PAG1: variants seen among roughly 807,000 people sequenced by gnomAD.
PAG1 encodes phosphoprotein membrane anchor with glycosphingolipid microdomains 1, also known as phosphoprotein associated with glycosphingolipid-enriched microdomains 1.
In PAG1, 23 loss-of-function variants were observed where a neutral mutation model predicts 31.7. That is an observed-to-expected ratio of 0.73 (90% confidence interval 0.52 to 1.03). The LOEUF (loss-of-function observed/expected upper bound fraction) is 1.03, where lower values mean the gene tolerates loss of function less well. Ranked by LOEUF, PAG1 falls within the 50% of genes least tolerant of loss-of-function variation. The pLI is 0.00. For missense variants in PAG1, 473 were observed against 540.7 expected (o/e 0.87, Z 1.24); for synonymous variants, 214 against 210.3 (o/e 1.02, Z -0.15).
At chr8:81,030,715 TC>T (rs545564605) in intron 2 of PAG1, among the ~76,000 whole-genome samples, 3 of 152,188 alleles carry the variant, frequency 2.0e-5, no homozygotes, top group Non-Finnish European at 4.4e-5. Flanking sequence ...ATTCAACAGC[TC>T]CCCAATCCTA....
intron 3 of PAG1, among the ~76,000 whole-genome samples, chr8:81,007,471 A>C (rs1303537360): frequency 3.5e-5 from 1 of 28,734 alleles, no homozygotes; most frequent in Non-Finnish European, 1.4e-4. Flanking sequence ...AAAATACAAA[A>C]AAAAAAAAAA....
chr8:81,033,930 G>A (rs1477104719), intron 2 of PAG1, among the ~76,000 whole-genome samples: 1 of 152,224 alleles, frequency 6.6e-6, no homozygotes, highest in Admixed American at 6.5e-5. Context: ...TTCTGGGGAA[G>A]GAGTAATGAT....
chr8:81,044,572 G>C (rs1431009016), intron 2 of PAG1, among the ~76,000 whole-genome samples: 2 of 152,176 alleles, frequency 1.3e-5, no homozygotes, highest in Non-Finnish European at 2.9e-5. Flanking sequence ...AACTGGGAGA[G>C]AATACATTTC....
At chr8:81,070,636 A>G (rs1809076809) in intron 1 of PAG1, among the ~76,000 whole-genome samples, 1 of 151,360 alleles carries the variant, frequency 6.6e-6, no homozygotes, top group South Asian at 2.1e-4. Flanking sequence ...ATGCCTCAAG[A>G]AGATGAAAGT....
intron 3 of PAG1, among the ~76,000 whole-genome samples, chr8:81,023,298 C>T (rs1808219607): frequency 6.6e-6 from 1 of 151,932 alleles, no homozygotes; most frequent in African/African-American, 2.4e-5. Context: ...TTTGAAATGA[C>T]AAATTTTTGA....
At chr8:81,041,168 G>A (rs1808548215) in intron 2 of PAG1, among the ~76,000 whole-genome samples, 1 of 152,036 alleles carries the variant, frequency 6.6e-6, no homozygotes, top group African/African-American at 2.4e-5. Context: ...AAGAAATATA[G>A]GAGCAGCCTC....
chr8:81,034,950 A>C (rs1808439134), intron 2 of PAG1, among the ~76,000 whole-genome samples: 1 of 152,152 alleles, frequency 6.6e-6, no homozygotes, highest in East Asian at 1.9e-4. Context: ...TACAAAGCCC[A>C]ACCTGGGAGG....
intron 3 of PAG1, among the ~76,000 whole-genome samples, chr8:80,998,094 A>C (rs1328648009): frequency 2.6e-5 from 4 of 151,900 alleles, no homozygotes; most frequent in Non-Finnish European, 5.9e-5. Context: ...ATCACTAGAA[A>C]AACCACTGGC....
chr8:81,012,973 T>C (rs1174352377), intron 3 of PAG1, among the ~76,000 whole-genome samples: 1 of 152,220 alleles, frequency 6.6e-6, no homozygotes, highest in Admixed American at 6.5e-5. Context: ...TGCCTACCCA[T>C]GTCCGTCAAC....
intron 7 of PAG1, 76 bp downstream of exon 7, chr8:80,984,700 G>C (rs750726567): frequency 2.2e-6 from 3 of 1,388,034 alleles, no homozygotes; most frequent in Non-Finnish European, 3.0e-6. Flanking sequence ...ATATTTCCCA[G>C]AACAACTCCA....
At chr8:81,040,100 T>C (rs980833468) in intron 2 of PAG1, among the ~76,000 whole-genome samples, 26 of 152,228 alleles carry the variant, frequency 1.7e-4, no homozygotes, top group Admixed American at 9.2e-4. Flanking sequence ...TTCATGTCTT[T>C]GAAAAGTCAC....
At position 80,971,630 on chromosome 8, in the gene PAG1, A is replaced by T. The variant is rs1260649493; in HGVS notation, c.*4914T>A. On this transcript the variant is annotated 3_prime_UTR_variant, in exon 9 of 9. Transcript: ENST00000220597. ...AGTATATAACTGGCAAGCCAAAAAA[A>T]CTTCCTGTATTAACAGAAATGATTA... 1 of 152,256 alleles carries T rather than the reference A, an allele frequency of 6.6e-6. No individual in the cohort carries two copies. Among genetic ancestry groups the T allele is most frequent in the Non-Finnish European group, 1.5e-5 (1 of 68,032 alleles). The allele number at this position is 152,256 out of a possible 1,614,324, so 9.4% of individuals were successfully genotyped here.
chr8:81,047,547 A>G (rs1236037679), intron 2 of PAG1, among the ~76,000 whole-genome samples: 6 of 152,216 alleles, frequency 3.9e-5, no homozygotes, highest in African/African-American at 1.4e-4. Context: ...AAACAGAAAC[A>G]GAAGCCTTTA....
chr8:81,036,173 G>C (rs532812588), intron 2 of PAG1, among the ~76,000 whole-genome samples: 10 of 152,190 alleles, frequency 6.6e-5, no homozygotes, highest in African/African-American at 1.9e-4. Context: ...TCCCAACTTT[G>C]GGGCATGCAT....
chr8:81,030,963 G>A (rs1808370074), intron 2 of PAG1, among the ~76,000 whole-genome samples: 1 of 152,198 alleles, frequency 6.6e-6, no homozygotes, highest in Non-Finnish European at 1.5e-5. Flanking sequence ...CTTGGCTGTT[G>A]ACTAAGATTC....
At chr8:81,005,106 A>G (rs1807852709) in intron 3 of PAG1, among the ~76,000 whole-genome samples, 1 of 152,208 alleles carries the variant, frequency 6.6e-6, no homozygotes, top group South Asian at 2.1e-4. Flanking sequence ...AGACCAAGTC[A>G]CCTGGTGAGG....
At chr8:81,107,351 T>A (rs949074320) in intron 1 of PAG1, among the ~76,000 whole-genome samples, 1 of 152,200 alleles carries the variant, frequency 6.6e-6, no homozygotes, top group Non-Finnish European at 1.5e-5. Flanking sequence ...AGGATTCTTC[T>A]GAAAAGCATA....
At position 80,984,877 on chromosome 8, in the gene PAG1, G is replaced by A; in HGVS notation, c.775C>T (p.Pro259Ser). ...SCDPEEEAPP[P>S]VPVKLLDENE... is the part of the protein sequence containing the mutation. ...TCGTCCAGAAGCTTAACAGGGACAGGTGGTGGGGCCTCCTCTTCTGGATCA... is the reference window on the plus strand; with the variant it reads ...TCGTCCAGAAGCTTAACAGGGACAGATGGTGGGGCCTCCTCTTCTGGATCA... Residue 259 changes from proline (P) to serine (S), a missense_variant, in exon 7 of 9, where the codon CCT (proline) becomes TCT (serine). Coordinates refer to ENST00000220597, the MANE Select transcript of PAG1 (RefSeq NM_018440.4). 2.5e-6 allele frequency: 4 copies of A among 1,614,122 alleles called. No individual in the cohort carries two copies. Among genetic ancestry groups the A allele is most frequent in the South Asian group, 2.2e-5 (2 of 91,074 alleles).
At chr8:81,034,303 TTGAG>T (rs1324699287) in intron 2 of PAG1, among the ~76,000 whole-genome samples, 4 of 152,164 alleles carry the variant, frequency 2.6e-5, no homozygotes, top group Admixed American at 2.6e-4. Flanking sequence ...TATTCACTGA[TTGAG>T]TGAATTCATT....
Sources: allele counts gnomAD v4.1 joint callset (sites outside exome capture counted in the v4.1 genomes callset), GRCh38; gene constraint gnomAD v4.1.1; transcripts MANE v1.5; gene names NCBI Gene and HGNC (gene_info 2026-07-23, HGNC 2026-07-21).